The following MAGI1 variants were observed in gnomAD, a reference collection of about 807,000 sequenced individuals.
MAGI1 encodes the protein membrane-associated guanylate kinase, WW and PDZ domain-containing protein 1.
Under a neutral mutation model 139.9 loss-of-function variants are expected in MAGI1, and 58 were observed. The ratio of observed to expected loss-of-function variants is 0.41; its 90% CI spans 0.34 to 0.52. The LOEUF is 0.52. Among genes scored for constraint, MAGI1 ranks in the 20% least tolerant of loss-of-function variants. The probability of loss-of-function intolerance (pLI) is 0.12; values close to 1 mark genes in which losing one functional copy is unlikely to be tolerated. For missense variants in MAGI1, 1,874 were observed against 1,901.6 expected (o/e 0.99, Z 0.27); for synonymous variants, 812 against 737.9 (o/e 1.10, Z -1.63).
At chr3:65,524,007 A>G (rs953991082) in intron 2 of MAGI1, among the ~76,000 whole-genome samples, 5 of 152,176 alleles carry the variant, frequency 3.3e-5, no homozygotes, top group Non-Finnish European at 7.4e-5. Context: ...CAAATGCTCA[A>G]TGAAACTTTG....
intron 1 of MAGI1, among the ~76,000 whole-genome samples, chr3:65,849,001 C>CTTTTTTTTTTTTTTTTTTTTT (rs558270441): frequency 5.0e-5 from 2 of 39,636 alleles, no homozygotes; most frequent in Non-Finnish European, 9.3e-5. Flanking sequence ...TCAGAGCATT[C>CTTTTTTTTTTTTTTTTTTTTT]TTTTTTTTTT....
chr3:65,940,607 T>C (rs2063264897), intron 1 of MAGI1, among the ~76,000 whole-genome samples: 1 of 152,202 alleles, frequency 6.6e-6, no homozygotes. Flanking sequence ...AGGGTTATGA[T>C]TTCAACATAT....
At chr3:66,012,139 G>T (rs1461815564) in intron 1 of MAGI1, among the ~76,000 whole-genome samples, 1 of 152,098 alleles carries the variant, frequency 6.6e-6, no homozygotes, top group Non-Finnish European at 1.5e-5. Flanking sequence ...AAGAATGACA[G>T]CCACTGAAAC....
chr3:65,444,300 T>A (rs1255158194), intron 7 of MAGI1, among the ~76,000 whole-genome samples: 1 of 152,052 alleles, frequency 6.6e-6, no homozygotes, highest in African/African-American at 2.4e-5. Flanking sequence ...GGAAATGCTT[T>A]CCCCTTACAA....
intron 2 of MAGI1, among the ~76,000 whole-genome samples, chr3:65,521,609 TTAATGTAAA>T (rs1159841843): frequency 2.6e-5 from 4 of 152,188 alleles, no homozygotes; most frequent in Admixed American, 2.0e-4. Flanking sequence ...ACTCACTATT[TTAATGTAAA>T]TATGCATACC....
chr3:65,401,598 T>G, intron 12 of MAGI1, 128 bp from the exon 13 acceptor site: 2 of 1,551,918 alleles, frequency 1.3e-6, no homozygotes, highest in Non-Finnish European at 1.7e-6. Context: ...ATGTCAGATT[T>G]CTCCCCAGCA....
chr3:65,477,082 T>TA (rs1177546178), intron 4 of MAGI1, among the ~76,000 whole-genome samples: 1 of 152,196 alleles, frequency 6.6e-6, no homozygotes, highest in African/African-American at 2.4e-5. Flanking sequence ...ATAATGTTTC[T>TA]AAAAAGACAA....
At chr3:65,984,691 A>G (rs1313418453) in intron 1 of MAGI1, among the ~76,000 whole-genome samples, 3 of 140,056 alleles carry the variant, frequency 2.1e-5, no homozygotes, top group Non-Finnish European at 1.5e-5. Flanking sequence ...ATGCACCACC[A>G]TGCCTTGCTA....
chr3:66,018,120 G>GC (rs1553748581), intron 1 of MAGI1, among the ~76,000 whole-genome samples: 1 of 126,762 alleles, frequency 7.9e-6, no homozygotes, highest in African/African-American at 2.6e-5. Context: ...TGGTGGGGGG[G>GC]GGGGGTGTCT....
At chr3:65,395,407 CGAG>C (rs1272460081) in intron 13 of MAGI1, among the ~76,000 whole-genome samples, 2 of 151,322 alleles carry the variant, frequency 1.3e-5, no homozygotes, top group Admixed American at 1.3e-4. Context: ...TTTGGGAGGC[CGAG>C]GAACACAAAT....
chr3:65,654,331 C>T (rs1482495751), intron 1 of MAGI1, among the ~76,000 whole-genome samples: 7 of 152,110 alleles, frequency 4.6e-5, no homozygotes, highest in African/African-American at 1.7e-4. Context: ...TTAACGTACA[C>T]ACGGAGATAT....
intron 13 of MAGI1, 91 bp downstream of exon 13, chr3:65,401,348 G>T: frequency 1.4e-6 from 2 of 1,471,246 alleles, no homozygotes; most frequent in African/African-American, 1.4e-5. Flanking sequence ...CACATTTAGT[G>T]AAGTGAAGCC....
intron 2 of MAGI1, among the ~76,000 whole-genome samples, chr3:65,551,808 A>C (rs183612586): frequency 5.2e-5 from 8 of 152,382 alleles, no homozygotes; most frequent in Admixed American, 4.6e-4. Flanking sequence ...GTGGAAATGC[A>C]TAAATGCATT....
intron 1 of MAGI1, among the ~76,000 whole-genome samples, chr3:65,811,731 G>A (rs1305415477): frequency 6.6e-6 from 1 of 151,680 alleles, no homozygotes; most frequent in Admixed American, 6.6e-5. Flanking sequence ...AAGACAGAGA[G>A]GTAAACTGAT....
intron 2 of MAGI1, among the ~76,000 whole-genome samples, chr3:65,515,382 G>A (rs1346288923): frequency 1.3e-5 from 2 of 151,850 alleles, no homozygotes; most frequent in African/African-American, 4.8e-5. Flanking sequence ...AGAATTTTTT[G>A]TTTTGTTTTA....
chr3:65,786,251 C>CTT (rs3077812), intron 1 of MAGI1, among the ~76,000 whole-genome samples: 58,125 of 114,320 alleles, frequency 0.51, 15,617 homozygotes, highest in Admixed American at 0.63. Flanking sequence ...CCAATCATAA[C>CTT]TTTTTTTTTT....
chr3:65,380,136 C>G (rs1028848800), intron 16 of MAGI1, among the ~76,000 whole-genome samples: 13 of 152,164 alleles, frequency 8.5e-5, no homozygotes. Flanking sequence ...GTGTCAACAT[C>G]GACTCTGATC....
chr3:65,367,308 T>C (rs1476269119), intron 18 of MAGI1, among the ~76,000 whole-genome samples: 1 of 152,238 alleles, frequency 6.6e-6, no homozygotes, highest in Non-Finnish European at 1.5e-5. Context: ...TTTATTTTTC[T>C]GCTGCTTTCA....
intron 1 of MAGI1, among the ~76,000 whole-genome samples, chr3:65,667,032 T>C (rs538166945): frequency 6.6e-6 from 1 of 152,350 alleles, no homozygotes; most frequent in East Asian, 1.9e-4. Context: ...TCCTGCAAGA[T>C]AAACAGCAGT....
Sources: gnomAD v4.1 joint callset for allele counts (sites outside exome capture counted in the v4.1 genomes callset) on GRCh38, gnomAD v4.1.1 for gene constraint, MANE v1.5 for transcripts, NCBI Gene and HGNC (gene_info 2026-07-23, HGNC 2026-07-21) for gene names.